The following SPAG17 variants were observed in gnomAD, a reference collection of about 807,000 sequenced individuals.
SPAG17 encodes sperm associated antigen 17.
SPAG17 carries 169 observed loss-of-function variants against 273.6 expected under a neutral mutation model. The ratio of observed to expected loss-of-function variants is 0.62; its 90% CI spans 0.55 to 0.70. The LOEUF (loss-of-function observed/expected upper bound fraction) is 0.70, where lower values mean the gene tolerates loss of function less well. Ranked by LOEUF, SPAG17 falls within the 30% of genes least tolerant of loss-of-function variation. The pLI is 0.00. For synonymous variants in SPAG17, 825 were observed against 873.2 expected (o/e 0.94, Z 0.97); for missense variants, 2,557 against 2,627.8 (o/e 0.97, Z 0.59).
At chr1:117,971,507 AT>A (rs1482767872) in intron 45 of SPAG17, among the ~76,000 whole-genome samples, 2 of 152,216 alleles carry the variant, frequency 1.3e-5, no homozygotes, top group Non-Finnish European at 2.9e-5. Flanking sequence ...TAGTTAGTGG[AT>A]TTGAGAAAAA....
At chr1:118,116,676 T>C (rs1657099419) in intron 3 of SPAG17, among the ~76,000 whole-genome samples, 1 of 152,190 alleles carries the variant, frequency 6.6e-6, no homozygotes, top group Non-Finnish European at 1.5e-5. Flanking sequence ...TGTGCCAAAA[T>C]GTAACTGGAC....
intron 3 of SPAG17, among the ~76,000 whole-genome samples, chr1:118,129,644 T>C (rs1315163737): frequency 2.7e-5 from 4 of 150,760 alleles, no homozygotes; most frequent in African/African-American, 9.7e-5. Context: ...CTCCTCCCCC[T>C]GCCCATCCTC....
chr1:117,966,541 C>G (rs1653872668), intron 47 of SPAG17, 68 bp downstream of exon 47: 3 of 1,362,618 alleles, frequency 2.2e-6, no homozygotes, highest in Non-Finnish European at 2.9e-6. Context: ...ATTTTGACTT[C>G]CATGTTTTCC....
chr1:118,114,452 C>G (rs1168730193), intron 4 of SPAG17, among the ~76,000 whole-genome samples: 1 of 152,116 alleles, frequency 6.6e-6, no homozygotes, highest in East Asian at 1.9e-4. Flanking sequence ...GTGAAGAAGG[C>G]ACTATTGGAG....
intron 18 of SPAG17, among the ~76,000 whole-genome samples, chr1:118,059,423 A>G (rs1468808126): frequency 2.0e-5 from 3 of 152,120 alleles, no homozygotes; most frequent in Admixed American, 1.3e-4. Flanking sequence ...TGTGGTTTTG[A>G]AATATGTACA....
At chr1:118,095,705 C>A (rs1655664158) in intron 7 of SPAG17, among the ~76,000 whole-genome samples, 2 of 152,150 alleles carry the variant, frequency 1.3e-5, no homozygotes, top group African/African-American at 2.4e-5. Context: ...CCTCTTCCCC[C>A]TAAATATGTC....
Position 117,953,875 on chromosome 1 carries a change from C to G in SPAG17, c.*175G>C, listed in dbSNP as rs987540517. 2.5e-5 allele frequency: 19 copies of G among 747,042 alleles called. No homozygotes were observed. In the East Asian group the frequency reaches 4.8e-4, roughly 19 times the overall value. The allele number at this position is 747,042 out of a possible 1,614,324, so 46.3% of individuals were successfully genotyped here. On this transcript the variant is annotated 3_prime_UTR_variant, in exon 49 of 49. Transcript: ENST00000336338. Reference sequence around the variant, plus strand: ...ATGTCTTTAAATGCTTTTTGGCACTCTATTCGCACGTCTTTATTAAACAGA... The same window carrying G: ...ATGTCTTTAAATGCTTTTTGGCACTGTATTCGCACGTCTTTATTAAACAGA...
In SPAG17 at chr1:117,990,810, T is replaced by C. The variant is rs369042168; in HGVS notation, c.5521+51A>G. 6.5e-6 allele frequency: 8 copies of C among 1,234,650 alleles called. No individual in the cohort carries two copies. In the Admixed American group the frequency reaches 9.8e-5, roughly 15 times the overall value. The allele number at this position is 1,234,650 out of a possible 1,614,324, so 76.5% of individuals were successfully genotyped here. A position where few individuals can be genotyped will look rare whatever the true frequency, so the allele number is the denominator to read the frequency against. On this transcript the variant is annotated intron_variant, in intron 38 of 48. Transcript: ENST00000336338. ...TGACCGATAAGTGTATTTAAGATGATTCCTTTGAAACTTGTAAATATACTG... is the reference window on the plus strand; with the variant it reads ...TGACCGATAAGTGTATTTAAGATGACTCCTTTGAAACTTGTAAATATACTG...
chr1:118,056,980 C>CTT (rs1173288943), intron 18 of SPAG17, among the ~76,000 whole-genome samples: 2 of 145,100 alleles, frequency 1.4e-5, no homozygotes, highest in South Asian at 4.4e-4. Flanking sequence ...TATTTTCTTT[C>CTT]TTTTTTTTTT....
chr1:117,966,892 G>T, intron 46 of SPAG17, 139 bp from the exon 47 acceptor site: 1 of 620,002 alleles, frequency 1.6e-6, no homozygotes, highest in Non-Finnish European at 2.6e-6. Context: ...ACAAATGGTA[G>T]TTATTATAAG....
At chr1:118,040,624 G>A in intron 22 of SPAG17, 106 bp downstream of exon 22, 1 of 717,360 alleles carries the variant, frequency 1.4e-6, no homozygotes, top group Non-Finnish European at 2.5e-6. Context: ...TATTGTGGGG[G>A]ACAGAATAAC....
chr1:117,961,471 C>T (rs1038373185), intron 48 of SPAG17: 3 of 152,106 alleles, frequency 2.0e-5, no homozygotes, highest in Admixed American at 6.5e-5. Context: ...CTAAATCATA[C>T]TTCTTGTTAC....
rs370678516 is a variant in SPAG17, at chr1:117,978,869, C to CTTT, written c.6004+2398_6004+2400dup. Among the ~76,000 whole-genome samples the CTTT allele has an allele frequency of 1.5e-3, 217 of 140,060 alleles. 1 individual carries two copies. Among genetic ancestry groups the CTTT allele is most frequent in the African/African-American group, 5.1e-3 (193 of 38,166 alleles). 91.9% of individuals were successfully genotyped at this position (140,060 alleles called of 152,430 possible). A position where few individuals can be genotyped will look rare whatever the true frequency, so the allele number is the denominator to read the frequency against. ...GCTACCTTACTGGCTTCTTCCTCTT[C>CTTT]TTTTTTTTTTTTTTTGAGACGGAGT... On this transcript the variant is annotated intron_variant, in intron 43 of 48. Coordinates refer to ENST00000336338, the MANE Select transcript of SPAG17 (RefSeq NM_206996.4).
intron 4 of SPAG17, among the ~76,000 whole-genome samples, chr1:118,107,760 G>A (rs768695686): frequency 2.6e-5 from 4 of 152,098 alleles, no homozygotes; most frequent in African/African-American, 4.8e-5. Flanking sequence ...AAAATATAAA[G>A]AGCTTACAAA....
chr1:117,967,144 T>C (rs1159454774), intron 46 of SPAG17, among the ~76,000 whole-genome samples: 2 of 152,130 alleles, frequency 1.3e-5, no homozygotes, highest in East Asian at 1.9e-4. Flanking sequence ...CAGACAAAGA[T>C]AAATTTAATC....
At chr1:118,023,159 C>T (rs1485543831) in intron 28 of SPAG17, 145 bp downstream of exon 28, 3 of 487,834 alleles carry the variant, frequency 6.1e-6, no homozygotes, top group Non-Finnish European at 9.9e-6. Context: ...AGCAAGAATT[C>T]ATTTATATGT....
At chr1:118,091,102 G>A (rs1309575186) in intron 10 of SPAG17, among the ~76,000 whole-genome samples, 1 of 152,094 alleles carries the variant, frequency 6.6e-6, no homozygotes, top group Non-Finnish European at 1.5e-5. Context: ...ACCAGATACA[G>A]AGGAAATTTT....
intron 25 of SPAG17, among the ~76,000 whole-genome samples, chr1:118,031,358 G>A (rs967531097): frequency 6.6e-6 from 1 of 151,824 alleles, no homozygotes; most frequent in Non-Finnish European, 1.5e-5. Flanking sequence ...GCTAAACAAA[G>A]TATTAAAAAT....
chr1:117,992,543 C>CACTGGG lies in SPAG17; in HGVS notation c.5278_5283dup (p.Pro1760_Ser1761dup), dbSNP rs1002866571. 2.5e-6 allele frequency: 4 copies of CACTGGG among 1,613,676 alleles called. No homozygotes were observed. Among genetic ancestry groups the CACTGGG allele is most frequent in the Non-Finnish European group, 3.4e-6 (4 of 1,179,872 alleles). On this transcript the variant is annotated inframe_insertion, in exon 36 of 49. Transcript: ENST00000336338. ...TGAATGAATTGGCGCATCTGTAGCA[C>CACTGGG]ACTGGGGCTCTTGAGTATGGCACCC...
Sources: allele counts gnomAD v4.1 joint callset (sites outside exome capture counted in the v4.1 genomes callset), GRCh38; gene constraint gnomAD v4.1.1; transcripts MANE v1.5; gene names NCBI Gene and HGNC (gene_info 2026-07-23, HGNC 2026-07-21).